The following KCNQ1 variants were observed in gnomAD, a reference collection of about 807,000 sequenced individuals.
KCNQ1 encodes potassium voltage-gated channel subfamily Q member 1.
A neutral mutation model predicts 72.4 loss-of-function variants in KCNQ1; 49 were observed. The observed-to-expected ratio is 0.68, with a 90% CI of 0.54 to 0.86. KCNQ1 has a LOEUF of 0.86. Ranked by LOEUF, KCNQ1 falls within the 40% of genes least tolerant of loss-of-function variation. The probability of loss-of-function intolerance (pLI) is 0.00; values close to 1 mark genes in which losing one functional copy is unlikely to be tolerated. For missense variants in KCNQ1, 790 were observed against 945.1 expected, an observed-to-expected ratio of 0.84 and a Z score of 2.15; for synonymous variants, 450 against 412.6, an observed-to-expected ratio of 1.09 and a Z score of -1.10.
chr11:2,522,742 C>T (rs929604758), intron 1 of KCNQ1, among the ~76,000 whole-genome samples: 7 of 152,244 alleles, frequency 4.6e-5, no homozygotes, highest in Non-Finnish European at 1.0e-4. Flanking sequence ...TCTGCCTGGC[C>T]TGCGGGGGAA....
intron 10 of KCNQ1, among the ~76,000 whole-genome samples, chr11:2,597,296 T>C (rs1848746572): frequency 6.6e-6 from 1 of 152,232 alleles, no homozygotes; most frequent in African/African-American, 2.4e-5. Context: ...CAATCAAAAT[T>C]AAAGATGCAT....
rs907924898 is a variant in KCNQ1, at chr11:2,674,034, G to A, written c.1514+11953G>A. ...CTTTCTGGCTCTTTGGGCCTGGGGT[G>A]CAGCCCCTCATTTGTACTTGCTGGC... is the stretch of plus-strand genomic sequence containing the variant. On this transcript the variant is annotated intron_variant, in intron 11 of 15. Coordinates refer to ENST00000155840, the MANE Select transcript of KCNQ1 (RefSeq NM_000218.3). This position sits in a 1 kb window ranked among gnomAD's most constrained non-coding sequence, Gnocchi z 5.9. The A allele has an allele frequency of 1.3e-5, 5 of 398,568 alleles. No individual in the cohort carries two copies. The highest frequency in any genetic ancestry group is 1.3e-4 in the South Asian group (1 of 7,862). The allele number at this position is 398,568 out of a possible 1,614,324, so 24.7% of individuals were successfully genotyped here.
Position 2,678,480 on chromosome 11 carries a change from C to G in KCNQ1, c.1514+16399C>G. 1 of 398,584 alleles carries G rather than the reference C, an allele frequency of 2.5e-6. No individual in the cohort carries two copies. Among genetic ancestry groups the G allele is most frequent in the Non-Finnish European group, 4.4e-6 (1 of 226,054 alleles). 24.7% of individuals were successfully genotyped at this position (398,584 alleles called of 1,614,324 possible). Reference sequence around the variant, plus strand: ...TGCTACCTTTATCATATTTCAAACTCTCATTTAATTTGTGTCCATTTCTAG... The same window carrying G: ...TGCTACCTTTATCATATTTCAAACTGTCATTTAATTTGTGTCCATTTCTAG... On this transcript the variant is annotated intron_variant, in intron 11 of 15. Coordinates refer to ENST00000155840, the MANE Select transcript of KCNQ1 (RefSeq NM_000218.3). The surrounding 1 kb of genome is among the most constrained non-coding windows in gnomAD (Gnocchi z 4.9).
At chr11:2,845,967 C>T (rs1316736518) in intron 15 of KCNQ1, among the ~76,000 whole-genome samples, 6 of 152,184 alleles carry the variant, frequency 3.9e-5, no homozygotes, top group East Asian at 3.9e-4. Flanking sequence ...GAAGCTGGCC[C>T]GGGTCCACCC....
Position 2,764,092 on chromosome 11 carries a change from G to T in KCNQ1, c.1515-4752G>T, listed in dbSNP as rs912062783. Among the ~76,000 whole-genome samples, 1 of 152,038 alleles carries T rather than the reference G, an allele frequency of 6.6e-6. No individual in the cohort carries two copies. Among genetic ancestry groups the T allele is most frequent in the Non-Finnish European group, 1.5e-5 (1 of 68,028 alleles). On this transcript the variant is annotated intron_variant, in intron 11 of 15. Coordinates refer to ENST00000155840, the MANE Select transcript of KCNQ1 (RefSeq NM_000218.3). The surrounding 1 kb of genome is among the most constrained non-coding windows in gnomAD (Gnocchi z 4.8). ...TTTCTGGACAATGTGAAATAGAAACGATAACATCCTTGCCTTGCTTCCTGT... is the reference window on the plus strand; with the variant it reads ...TTTCTGGACAATGTGAAATAGAAACTATAACATCCTTGCCTTGCTTCCTGT...
At chr11:2,760,566 TC>T (rs1206746734) in intron 11 of KCNQ1, among the ~76,000 whole-genome samples, 1 of 152,058 alleles carries the variant, frequency 6.6e-6, no homozygotes, top group African/African-American at 2.4e-5. Context: ...AGAGGGTCCA[TC>T]CGCCCTTCAG....
chr11:2,685,832 G>A lies in KCNQ1; in HGVS notation c.1514+23751G>A, dbSNP rs1850479112. 3 of 398,742 alleles carry A rather than the reference G, an allele frequency of 7.5e-6. No homozygotes were observed. In the East Asian group the frequency reaches 1.1e-4, roughly 14 times the overall value. The allele number at this position is 398,742 out of a possible 1,614,324, so 24.7% of individuals were successfully genotyped here. A position where few individuals can be genotyped will look rare whatever the true frequency, so the allele number is the denominator to read the frequency against. On this transcript the variant is annotated intron_variant, in intron 11 of 15. Coordinates refer to ENST00000155840, the MANE Select transcript of KCNQ1 (RefSeq NM_000218.3). ...ATGCGATTCCTACTAGAACGAGGCTGTTTCCCAGGCTGCCTCCTGCTTCAC... is the reference window on the plus strand; with the variant it reads ...ATGCGATTCCTACTAGAACGAGGCTATTTCCCAGGCTGCCTCCTGCTTCAC...
Position 2,507,251 on chromosome 11 carries a change from A to G in KCNQ1, c.387-20677A>G, listed in dbSNP as rs1847120517. Reference sequence around the variant, plus strand: ...ATGATCTAAGGTAATCTTTTCTCAGAGAGTGGCCTGAGACCTCTTCCTTAG... The same window carrying G: ...ATGATCTAAGGTAATCTTTTCTCAGGGAGTGGCCTGAGACCTCTTCCTTAG... On this transcript the variant is annotated intron_variant, in intron 1 of 15. Coordinates refer to ENST00000155840, the MANE Select transcript of KCNQ1 (RefSeq NM_000218.3). This position sits in a 1 kb window ranked among gnomAD's most constrained non-coding sequence, Gnocchi z 5.4. 6.6e-6 allele frequency among the ~76,000 whole-genome samples: 1 copy of G among 152,158 alleles called. No homozygotes were observed. The highest frequency in any genetic ancestry group is 2.4e-5 in the African/African-American group (1 of 41,448).
In KCNQ1 at chr11:2,592,893, A is replaced by G. The variant is rs532297463; in HGVS notation, c.1393+4039A>G. 1.5e-4 allele frequency among the ~76,000 whole-genome samples: 23 copies of G among 152,200 alleles called. No individual in the cohort carries two copies. Among genetic ancestry groups the G allele is most frequent in the Admixed American group, 3.3e-4 (5 of 15,288 alleles). ...CCTGGGCTGGAGCCGCATACTGGCC[A>G]TGCTGCCTCGCTGTCCCTGCCTCAG... On this transcript the variant is annotated intron_variant, in intron 10 of 15. Transcript: ENST00000155840. This position sits in a 1 kb window ranked among gnomAD's most constrained non-coding sequence, Gnocchi z 5.2.
chr11:2,810,708 G>A (rs933165204), intron 15 of KCNQ1, among the ~76,000 whole-genome samples: 1 of 152,208 alleles, frequency 6.6e-6, no homozygotes, highest in African/African-American at 2.4e-5. Context: ...TGTTCTGAAT[G>A]TTTTTCAATG....
At chr11:2,721,631 C>T (rs1409168518) in intron 11 of KCNQ1, among the ~76,000 whole-genome samples, 1 of 152,242 alleles carries the variant, frequency 6.6e-6, no homozygotes, top group Non-Finnish European at 1.5e-5. Context: ...TTGGTGGGGG[C>T]AGCAGAGCCT....
Position 2,713,141 on chromosome 11 carries a change from A to T in KCNQ1, c.1514+51060A>T, listed in dbSNP as rs897768095. Reference sequence around the variant, plus strand: ...AGGGTTAATGAGCCTCTGAAATGAGATCCCGGAGAGGGGCCAGGACCATGC... The same window carrying T: ...AGGGTTAATGAGCCTCTGAAATGAGTTCCCGGAGAGGGGCCAGGACCATGC... On this transcript the variant is annotated intron_variant, in intron 11 of 15. Coordinates refer to ENST00000155840, the MANE Select transcript of KCNQ1 (RefSeq NM_000218.3). This position sits in a 1 kb window ranked among gnomAD's most constrained non-coding sequence, Gnocchi z 5.6. 6.6e-6 allele frequency among the ~76,000 whole-genome samples: 1 copy of T among 152,148 alleles called. No homozygotes were observed. Among genetic ancestry groups the T allele is most frequent in the Non-Finnish European group, 1.5e-5 (1 of 68,012 alleles).
Position 2,494,519 on chromosome 11 carries a change from C to T in KCNQ1, c.387-33409C>T, listed in dbSNP as rs1360393162. 6.6e-6 allele frequency among the ~76,000 whole-genome samples: 1 copy of T among 152,046 alleles called. No individual in the cohort carries two copies. Among genetic ancestry groups the T allele is most frequent in the African/African-American group, 2.4e-5 (1 of 41,390 alleles). ...AGCTCTTGTTATTTTGAGATATGTT[C>T]CATCAATTCCTAGTTTATTGAGAGT... On this transcript the variant is annotated intron_variant, in intron 1 of 15. Transcript: ENST00000155840. The surrounding 1 kb of genome is among the most constrained non-coding windows in gnomAD (Gnocchi z 4.6).
rs1400485590 is a variant in KCNQ1 at position 2,678,791 on chromosome 11, C to G, written c.1514+16710C>G. ...GCTTCATCGTGGCAGCTAATAATGT[C>G]AGGGAGCATGAGCACTTGTTTCTTC... On this transcript the variant is annotated intron_variant, in intron 11 of 15. Coordinates refer to ENST00000155840, the MANE Select transcript of KCNQ1 (RefSeq NM_000218.3). The surrounding 1 kb of genome is among the most constrained non-coding windows in gnomAD (Gnocchi z 4.9). The G allele has an allele frequency of 2.5e-6, 1 of 398,476 alleles. No individual in the cohort carries two copies. Among genetic ancestry groups the G allele is most frequent in the Non-Finnish European group, 4.4e-6 (1 of 226,084 alleles). The allele number at this position is 398,476 out of a possible 1,614,324, so 24.7% of individuals were successfully genotyped here.
At position 2,463,783 on chromosome 11, in the gene KCNQ1, C is replaced by A. The variant is rs1056028312; in HGVS notation, c.386+18299C>A. On this transcript the variant is annotated intron_variant, in intron 1 of 15. Transcript: ENST00000155840. The surrounding 1 kb of genome is among the most constrained non-coding windows in gnomAD (Gnocchi z 7.0). ...CTGCTCCTCACAAGACATTGCCCTG[C>A]GAGGGGGTCAGCCCTGAAGCCGGAT... Among the ~76,000 whole-genome samples, 2 of 152,218 alleles carry A rather than the reference C, an allele frequency of 1.3e-5. No homozygotes were observed. Among genetic ancestry groups the A allele is most frequent in the Non-Finnish European group, 2.9e-5 (2 of 68,042 alleles).
chr11:2,610,073 A>C (rs4930139), intron 10 of KCNQ1: 2 of 397,438 alleles, frequency 5.0e-6, no homozygotes. Context: ...TCTATGTACT[A>C]TTTCTTGTTC....
intron 1 of KCNQ1, among the ~76,000 whole-genome samples, chr11:2,454,308 G>T (rs1846155117): frequency 6.6e-6 from 1 of 152,126 alleles, no homozygotes; most frequent in South Asian, 2.1e-4. Flanking sequence ...TAAATCAATA[G>T]CTTGCGTAAT....
chr11:2,836,782 AGCTGCGTATCAAAGTT>A (rs1431075180), intron 15 of KCNQ1, among the ~76,000 whole-genome samples: 4 of 152,250 alleles, frequency 2.6e-5, no homozygotes, highest in Non-Finnish European at 4.4e-5. Context: ...ACCAGGCACG[AGCTGCGTATCAAAGTT>A]GCTGGAAGGA....
chr11:2,785,117 G>A lies in KCNQ1; in HGVS notation c.1794+7080G>A, dbSNP rs930249243. On this transcript the variant is annotated intron_variant, in intron 15 of 15. Coordinates refer to ENST00000155840, the MANE Select transcript of KCNQ1 (RefSeq NM_000218.3). The surrounding 1 kb of genome is among the most constrained non-coding windows in gnomAD (Gnocchi z 4.4). ...AAAATCATTCAATCAATTTCCATTA[G>A]CTCTGAGTTTTCCATAGATGCCTTT... Among the ~76,000 whole-genome samples, 1 of 151,966 alleles carries A rather than the reference G, an allele frequency of 6.6e-6. No homozygotes were observed. The highest frequency in any genetic ancestry group is 2.4e-5 in the African/African-American group (1 of 41,436).
Sources: gnomAD v4.1 joint callset for allele counts (sites outside exome capture counted in the v4.1 genomes callset) on GRCh38, gnomAD v4.1.1 for gene constraint, Gnocchi (gnomAD v3.1) non-coding constraint, MANE v1.5 for transcripts, NCBI Gene and HGNC (gene_info 2026-07-23, HGNC 2026-07-21) for gene names.